The following ATP8B4 variants were observed in gnomAD, a reference collection of about 807,000 sequenced individuals.
ATP8B4 encodes the protein ATPase phospholipid transporting 8B4 (putative).
A neutral mutation model predicts 145.6 loss-of-function variants in ATP8B4; 133 were observed. The ratio of observed to expected loss-of-function variants is 0.91; its 90% CI spans 0.79 to 1.05. The LOEUF is 1.05. Ranked by LOEUF, ATP8B4 falls within the 50% of genes least tolerant of loss-of-function variation. ATP8B4 has a pLI of 0.00. For synonymous variants in ATP8B4, 507 were observed against 492.9 expected (o/e 1.03, Z -0.38); for missense variants, 1,458 against 1,425.2 (o/e 1.02, Z -0.37).
chr15:50,002,821 A>G (rs933182029), intron 7 of ATP8B4, among the ~76,000 whole-genome samples: 1 of 152,162 alleles, frequency 6.6e-6, no homozygotes, highest in African/African-American at 2.4e-5. Flanking sequence ...AAATGTAGTC[A>G]AAGGCAGTGG....
chr15:50,124,854 AG>A (rs1270306385), intron 1 of ATP8B4, among the ~76,000 whole-genome samples: 1 of 152,202 alleles, frequency 6.6e-6, no homozygotes, highest in Non-Finnish European at 1.5e-5. Context: ...TTCCAGAACT[AG>A]ATGACCCAGC....
intron 1 of ATP8B4, among the ~76,000 whole-genome samples, chr15:50,108,844 G>A (rs1217561435): frequency 1.3e-5 from 2 of 152,226 alleles, no homozygotes; most frequent in East Asian, 1.9e-4. Flanking sequence ...ACTCTTTTAG[G>A]ACAAGGCTCC....
At chr15:50,038,858 C>A in intron 5 of ATP8B4, 29 bp from the exon 6 acceptor site, 1 of 1,595,246 alleles carries the variant, frequency 6.3e-7, no homozygotes, top group Non-Finnish European at 8.6e-7. Flanking sequence ...TGTGAGAAAA[C>A]ACATTACAAG....
At chr15:49,945,003 G>A (rs1487457577) in intron 14 of ATP8B4, among the ~76,000 whole-genome samples, 3 of 152,080 alleles carry the variant, frequency 2.0e-5, no homozygotes, top group Admixed American at 6.5e-5. Context: ...CAAGACAAAT[G>A]AAAGTGAAAT....
intron 3 of ATP8B4, among the ~76,000 whole-genome samples, chr15:50,058,305 G>A (rs936996250): frequency 2.6e-5 from 4 of 152,162 alleles, no homozygotes; most frequent in African/African-American, 9.7e-5. Flanking sequence ...GTGGGGGCTG[G>A]CTTGTTCAAG....
intron 12 of ATP8B4, among the ~76,000 whole-genome samples, chr15:49,978,739 T>TACACACACACACACACACACAC (rs60436585): frequency 8.1e-6 from 1 of 122,786 alleles, no homozygotes; most frequent in African/African-American, 3.1e-5. Flanking sequence ...CTTTATCAAA[T>TACACACACACACACACACACAC]ACACACACAC....
chr15:50,170,712 A>G (rs755052039), intron 1 of ATP8B4, among the ~76,000 whole-genome samples: 3 of 152,258 alleles, frequency 2.0e-5, no homozygotes, highest in Non-Finnish European at 4.4e-5. Flanking sequence ...ACATTTCAAT[A>G]TTAACATTGA....
At chr15:49,906,485 T>C (rs987095677) in intron 20 of ATP8B4, among the ~76,000 whole-genome samples, 1 of 152,196 alleles carries the variant, frequency 6.6e-6, no homozygotes, top group African/African-American at 2.4e-5. Context: ...AATCGCTCCT[T>C]TTCCCACTAC....
rs141323850 is a variant in ATP8B4, at chr15:50,019,902, C to G, written c.363-8985G>C. 6.6e-3 allele frequency among the ~76,000 whole-genome samples: 1,008 copies of G among 152,232 alleles called. 14 individuals are homozygous for G. The highest frequency in any genetic ancestry group is 0.023 in the African/African-American group (966 of 41,528). ...TGCCCATCTTCAAACTTTAGAGTGC[C>G]TGAGAGCTAGAGTTCCTCTCTCCAC... On this transcript the variant is annotated intron_variant, in intron 6 of 27. Transcript: ENST00000284509.
chr15:50,171,010 A>G, intron 1 of ATP8B4, among the ~76,000 whole-genome samples: 1 of 152,218 alleles, frequency 6.6e-6, no homozygotes, highest in East Asian at 1.9e-4. Context: ...GGAAAATATC[A>G]CAATCCTAAA....
Position 49,897,412 on chromosome 15 carries a change from AAGG to A in ATP8B4, c.2574_2576del (p.Leu859del), listed in dbSNP as rs2037520849. 1 of 1,613,972 alleles carries A rather than the reference AAGG, an allele frequency of 6.2e-7. No individual in the cohort carries two copies. Among genetic ancestry groups the A allele is most frequent in the East Asian group, 2.2e-5 (1 of 44,884 alleles). The stretch of plus-strand genomic sequence containing the variant: ...GGAAATAAGACCACCTTCCATGAAC[AAGG>A]AGAAGCCTTTGGAGATATCTAAACT... On this transcript the variant is annotated inframe_deletion, in exon 23 of 28. Coordinates refer to ENST00000284509, the MANE Select transcript of ATP8B4 (RefSeq NM_024837.4).
At chr15:50,006,698 AAAC>A (rs1045247957) in intron 7 of ATP8B4, among the ~76,000 whole-genome samples, 71 of 152,322 alleles carry the variant, frequency 4.7e-4, no homozygotes, top group African/African-American at 1.7e-3. Flanking sequence ...CTTGGTTTTA[AAAC>A]AACAATTCTA....
intron 2 of ATP8B4, among the ~76,000 whole-genome samples, chr15:50,094,350 A>T (rs927771421): frequency 2.6e-5 from 4 of 152,084 alleles, no homozygotes; most frequent in African/African-American, 7.2e-5. Flanking sequence ...CTGGGTCTCA[A>T]GCCTGCTGGC....
intron 1 of ATP8B4, among the ~76,000 whole-genome samples, chr15:50,165,014 T>C (rs1309023342): frequency 6.6e-6 from 1 of 152,060 alleles, no homozygotes; most frequent in African/African-American, 2.4e-5. Context: ...GTTTCAAGAG[T>C]GTCTTTCCTA....
In ATP8B4 at chr15:50,166,440, A is replaced by T. The variant is rs562609102; in HGVS notation, c.-43+15821T>A. ...CTGTATGTAGTCATCAGAGAGAATA[A>T]TATCTTAACAAAGCAGGAAATAAGC... On this transcript the variant is annotated intron_variant, in intron 1 of 3. Coordinates refer to the ATP8B4 transcript ENST00000558829. Among the ~76,000 whole-genome samples the T allele has an allele frequency of 3.9e-5, 6 of 152,344 alleles. No homozygotes were observed. The South Asian group carries it at 1.2e-3, about 32-fold the overall frequency.
At chr15:50,087,918 A>C (rs968068493) in intron 2 of ATP8B4, among the ~76,000 whole-genome samples, 1 of 152,226 alleles carries the variant, frequency 6.6e-6, no homozygotes, top group African/African-American at 2.4e-5. Context: ...AAAACATTTT[A>C]TAAAGGCACA....
chr15:49,897,997 A>G (rs764797698), intron 22 of ATP8B4, 71 bp downstream of exon 22: 1 of 1,512,816 alleles, frequency 6.6e-7, no homozygotes, highest in Non-Finnish European at 9.1e-7. Context: ...TCTAGTGATT[A>G]TATATTGCCA....
chr15:50,102,695 C>G (rs1161717785), intron 2 of ATP8B4, among the ~76,000 whole-genome samples: 1 of 151,622 alleles, frequency 6.6e-6, no homozygotes. Context: ...CCTTTTGACA[C>G]TATTCCACAA....
At chr15:49,864,924 G>A (rs1227280605) in intron 26 of ATP8B4, among the ~76,000 whole-genome samples, 3 of 152,136 alleles carry the variant, frequency 2.0e-5, no homozygotes, top group African/African-American at 7.2e-5. Context: ...ATAATATTGT[G>A]AGCTGTATGT....
Sources: gnomAD v4.1 joint callset for allele counts (sites outside exome capture counted in the v4.1 genomes callset) on GRCh38, gnomAD v4.1.1 for gene constraint, MANE v1.5 for transcripts, NCBI Gene and HGNC (gene_info 2026-07-23, HGNC 2026-07-21) for gene names.